The following AGMO variants were observed in gnomAD, a reference collection of about 807,000 sequenced individuals.
The protein encoded by AGMO is alkylglycerol monooxygenase.
Under a neutral mutation model 60.2 loss-of-function variants are expected in AGMO, and 75 were observed. The observed-to-expected ratio is 1.25, with a 90% CI of 1.03 to 1.51. The LOEUF (loss-of-function observed/expected upper bound fraction) is 1.51. Ranked by LOEUF, AGMO falls within the 40% of genes most tolerant of loss-of-function variation. AGMO has a pLI of 0.00. For missense variants in AGMO, 763 were observed against 525.5 expected (o/e 1.45, Z -4.42); for synonymous variants, 261 against 177.1 (o/e 1.47, Z -3.76).
chr7:15,152,887 A>C, the AGMO span, among the ~76,000 whole-genome samples: 2 of 152,296 alleles, frequency 1.3e-5, no homozygotes, highest in East Asian at 3.9e-4. Flanking sequence ...ATCAAATGAC[A>C]GATCTACTTT....
intron 12 of AGMO, among the ~76,000 whole-genome samples, chr7:15,234,041 T>A (rs186376104): frequency 1.8e-4 from 27 of 152,248 alleles, no homozygotes; most frequent in Admixed American, 4.6e-4. Context: ...AGAGCAAGAC[T>A]TCGTCTCAAC....
chr7:15,234,883 A>C (rs1782371827), intron 12 of AGMO, among the ~76,000 whole-genome samples: 1 of 152,198 alleles, frequency 6.6e-6, no homozygotes, highest in African/African-American at 2.4e-5. Context: ...GTACAAAAAC[A>C]AAAGACATGC....
At chr7:15,393,016 T>C (rs898287721) in intron 6 of AGMO, among the ~76,000 whole-genome samples, 10 of 152,242 alleles carry the variant, frequency 6.6e-5, no homozygotes, top group African/African-American at 1.7e-4. Flanking sequence ...AGAACGGCTA[T>C]ATGGGTTCTC....
chr7:15,360,081 A>G (rs994126208), intron 12 of AGMO, among the ~76,000 whole-genome samples: 2 of 152,214 alleles, frequency 1.3e-5, no homozygotes, highest in African/African-American at 4.8e-5. Context: ...GCACATTTAC[A>G]GACATTATTA....
chr7:15,403,698 C>G (rs2128490377), intron 5 of AGMO, among the ~76,000 whole-genome samples: 1 of 151,874 alleles, frequency 6.6e-6, no homozygotes, highest in East Asian at 1.9e-4. Context: ...TATTGTTTTA[C>G]TTGTTACAAG....
intron 12 of AGMO, among the ~76,000 whole-genome samples, chr7:15,303,004 T>G (rs908801884): frequency 1.3e-5 from 2 of 152,142 alleles, no homozygotes; most frequent in African/African-American, 2.4e-5. Context: ...CTAAAGGATC[T>G]TGAAAGCTGA....
intron 12 of AGMO, among the ~76,000 whole-genome samples, chr7:15,318,424 C>A (rs1781007004): frequency 6.6e-6 from 1 of 152,066 alleles, no homozygotes; most frequent in Non-Finnish European, 1.5e-5. Context: ...CAGTGTATCA[C>A]TCAAAATGGC....
chr7:15,399,940 G>A (rs148387413), intron 5 of AGMO, among the ~76,000 whole-genome samples: 90 of 152,206 alleles, frequency 5.9e-4, no homozygotes, highest in African/African-American at 2.0e-3. Flanking sequence ...TTGGAATCCT[G>A]CTTTATCTTC....
chr7:15,355,964 C>G (rs975823741), intron 12 of AGMO, among the ~76,000 whole-genome samples: 1 of 117,848 alleles, frequency 8.5e-6, no homozygotes, highest in East Asian at 2.3e-4. Flanking sequence ...ACACAAATTC[C>G]TTCAAACATA....
intron 3 of AGMO, among the ~76,000 whole-genome samples, chr7:15,452,907 G>A (rs1480031196): frequency 6.6e-6 from 1 of 152,202 alleles, no homozygotes; most frequent in Admixed American, 6.6e-5. Context: ...AAGGAATGAA[G>A]TGATACATGT....
intron 3 of AGMO, among the ~76,000 whole-genome samples, chr7:15,444,457 T>C (rs948018317): frequency 7.2e-5 from 11 of 152,226 alleles, no homozygotes; most frequent in African/African-American, 2.7e-4. Context: ...TTAAAGTCAC[T>C]TGAATCTTTC....
chr7:15,391,553 GA>G (rs915925219), intron 6 of AGMO, among the ~76,000 whole-genome samples: 34 of 152,094 alleles, frequency 2.2e-4, no homozygotes, highest in African/African-American at 8.2e-4. Flanking sequence ...TAAATCTTAA[GA>G]AAAAGAATAA....
Position 15,256,005 on chromosome 7 carries a change from T to C in AGMO, c.1264-54646A>G, listed in dbSNP as rs189243843. Among the ~76,000 whole-genome samples, 638 of 152,272 alleles carry C rather than the reference T, an allele frequency of 4.2e-3. 4 individuals are homozygous for C. The highest frequency in any genetic ancestry group is 5.3e-3 in the Non-Finnish European group (358 of 68,010). On this transcript the variant is annotated intron_variant, in intron 12 of 12. Coordinates refer to ENST00000342526, the MANE Select transcript of AGMO (RefSeq NM_001004320.2). ...AGATAATGAAAAGAAAAACACTCCA[T>C]CAATTCAATGCCGTGGTATAGTGAA...
chr7:15,269,179 A>G (rs938762240), intron 12 of AGMO, among the ~76,000 whole-genome samples: 1 of 152,076 alleles, frequency 6.6e-6, no homozygotes, highest in Non-Finnish European at 1.5e-5. Context: ...TGTATTTATA[A>G]TAATAGGCCG....
intron 12 of AGMO, among the ~76,000 whole-genome samples, chr7:15,216,650 A>G (rs1781746433): frequency 6.6e-6 from 1 of 152,154 alleles, no homozygotes; most frequent in Non-Finnish European, 1.5e-5. Flanking sequence ...GTCCAATTGC[A>G]TACTGAATTC....
intron 12 of AGMO, among the ~76,000 whole-genome samples, chr7:15,252,629 A>C (rs535498958): frequency 6.6e-6 from 1 of 152,190 alleles, no homozygotes. Flanking sequence ...CAAGCCTCAG[A>C]TACGACCACA....
At chr7:15,397,467 G>A (rs1445939366) in intron 5 of AGMO, among the ~76,000 whole-genome samples, 2 of 152,154 alleles carry the variant, frequency 1.3e-5, no homozygotes, top group African/African-American at 4.8e-5. Flanking sequence ...CGCAGCGGCG[G>A]GCTGAAGGGC....
chr7:15,149,419 G>A, the AGMO span, among the ~76,000 whole-genome samples: 1 of 152,048 alleles, frequency 6.6e-6, no homozygotes, highest in East Asian at 1.9e-4. Context: ...ATATTTTCTA[G>A]TTTTTCTTCT....
At chr7:15,459,169 G>C (rs1159572422) in intron 3 of AGMO, among the ~76,000 whole-genome samples, 5 of 151,996 alleles carry the variant, frequency 3.3e-5, no homozygotes, top group Non-Finnish European at 7.4e-5. Context: ...CTGTGTCTAT[G>C]CAGACACACA....
Sources: allele counts gnomAD v4.1 joint callset (sites outside exome capture counted in the v4.1 genomes callset), GRCh38; gene constraint gnomAD v4.1.1; transcripts MANE v1.5; gene names NCBI Gene and HGNC (gene_info 2026-07-23, HGNC 2026-07-21).